The following SEC16A variants were observed in gnomAD, a reference collection of about 807,000 sequenced individuals.
SEC16A encodes protein transport protein Sec16A.
SEC16A carries 110 observed loss-of-function variants against 221.9 expected under a neutral mutation model. The observed-to-expected ratio is 0.50, with a 90% CI of 0.42 to 0.58. The LOEUF is 0.58. Ranked by LOEUF, SEC16A falls within the 20% of genes least tolerant of loss-of-function variation. The pLI is 0.00. For missense variants in SEC16A, 3,165 were observed against 3,097.8 expected (o/e 1.02, Z -0.52); for synonymous variants, 1,393 against 1,257.7 (o/e 1.11, Z -2.28).
intron 29 of SEC16A, 46 bp from the exon 30 acceptor site, chr9:136,445,157 A>G (rs1836791882): frequency 1.5e-5 from 22 of 1,512,168 alleles, no homozygotes; most frequent in Non-Finnish European, 1.9e-5. Flanking sequence ...GAAAGTCAAC[A>G]TGCACGTCAC....
chr9:136,447,670 G>A lies in SEC16A; in HGVS notation c.6458C>T (p.Pro2153Leu), dbSNP rs373660630. 1.1e-5 allele frequency: 17 copies of A among 1,607,602 alleles called. No homozygotes were observed. Among genetic ancestry groups the A allele is most frequent in the East Asian group, 4.5e-5 (2 of 44,734 alleles). ...GGGCATCGAGGTTGGAGGTGGGGGC[G>A]GGGCTTTCTTCTGCAGAGGGAAACA... ...LNEPEEEKKA[P>L]PPPPTSMPKT... Residue 2153 changes from proline to leucine, a missense_variant, in exon 26 of 32, where the codon CCG becomes CTG. By Grantham distance (98) the Pro-to-Leu change is moderately conservative (BLOSUM62 -3). Around this residue, in one of 3 missense-constraint regions of SEC16A, gnomAD observed 1,088 missense variants for 1,089.6 expected, o/e 1.00. Transcript: ENST00000684901. This position sits in a 1 kb window ranked among gnomAD's most constrained non-coding sequence, Gnocchi z 5.5.
rs1383158668 is a variant in SEC16A, at chr9:136,475,521, T to C, written c.2095A>G (p.Thr699Ala). 6.2e-7 allele frequency: 1 copy of C among 1,612,690 alleles called. No individual in the cohort carries two copies. Among genetic ancestry groups the C allele is most frequent in the Non-Finnish European group, 8.5e-7 (1 of 1,179,242 alleles). Residue 699 changes from threonine (T) to alanine (A), a missense_variant, in exon 3 of 32, where the codon ACT (threonine) becomes GCT (alanine). Thr to Ala is a moderately conservative substitution (Grantham distance 58). Coordinates refer to ENST00000684901, the MANE Select transcript of SEC16A (RefSeq NM_014866.2). The surrounding 1 kb of genome is among the most constrained non-coding windows in gnomAD (Gnocchi z 5.0). ...LPHAGAPPLD[T>A]VYPAPEKRPS... is the part of the protein sequence containing the mutation. ...CTCTTCTCGGGTGCTGGATACACAG[T>C]ATCCAAGGGCGGTGCCCCTGCGTGC...
In SEC16A at chr9:136,474,322, CTG is replaced by C; in HGVS notation, c.3292_3293del (p.Gln1098ValfsTer23). The C allele has an allele frequency of 5.0e-6, 8 of 1,611,992 alleles. No homozygotes were observed. The highest frequency in any genetic ancestry group is 6.8e-6 in the Non-Finnish European group (8 of 1,179,396). On this transcript the variant is annotated frameshift_variant, in exon 3 of 32. Coordinates refer to ENST00000684901, the MANE Select transcript of SEC16A (RefSeq NM_014866.2). LOFTEE classifies it high-confidence loss of function. ...CGACCAGAACCAGACTTGCTGGTGA[CTG>C]TGCTGAGTTCTGGGCCTGTCCCTGT... ...PAQGQAQNSA[Q>X]SPASLVLVDA...
rs1309087290 is a variant in SEC16A, at chr9:136,453,073, AAAAAAAAAAAG to A, written c.6159+344_6159+354del. Among the ~76,000 whole-genome samples, 283 of 129,284 alleles carry A rather than the reference AAAAAAAAAAAG, an allele frequency of 2.2e-3. 1 individual carries two copies. Among genetic ancestry groups the A allele is most frequent in the African/African-American group, 6.3e-3 (244 of 38,704 alleles). The allele number at this position is 129,284 out of a possible 152,430, so 84.8% of individuals were successfully genotyped here. ...CGACAGAGCAAGAATCTGTCTCAAA[AAAAAAAAAAAG>A]AAAAAAAAAAGAAAAAGAGATGTAG... On this transcript the variant is annotated intron_variant, in intron 22 of 31. Transcript: ENST00000684901.
rs767180360 is a variant in SEC16A at position 136,474,033 on chromosome 9, A to G, written c.3567+16T>C. On this transcript the variant is annotated intron_variant, in intron 3 of 31. Transcript: ENST00000684901. ...ACAGACAGAAAAGTGGGTTACACAT[A>G]CGACTCGACTCTTACCTGGTAATAG... 4 of 1,580,638 alleles carry G rather than the reference A, an allele frequency of 2.5e-6. No individual in the cohort carries two copies. The highest frequency in any genetic ancestry group is 1.7e-5 in the Admixed American group (1 of 57,316).
intron 19 of SEC16A, 74 bp from the exon 20 acceptor site, chr9:136,455,867 G>T: frequency 7.0e-7 from 1 of 1,429,604 alleles, no homozygotes; most frequent in Non-Finnish European, 9.5e-7. Context: ...TGCCACCACC[G>T]CGCTTGCTGT....
At chr9:136,468,687 C>T (rs1840468993) in intron 4 of SEC16A, among the ~76,000 whole-genome samples, 175 bp from the exon 5 acceptor site, 1 of 152,252 alleles carries the variant, frequency 6.6e-6, no homozygotes, top group African/African-American at 2.4e-5. Context: ...GAATTTCCCA[C>T]CATACGGCTA....
At chr9:136,477,954 T>C (rs1022997688) in intron 2 of SEC16A, among the ~76,000 whole-genome samples, 2 of 152,090 alleles carry the variant, frequency 1.3e-5, no homozygotes, top group Non-Finnish European at 2.9e-5. Context: ...CCTGGGATCC[T>C]CTACTCACAG....
intron 31 of SEC16A, among the ~76,000 whole-genome samples, chr9:136,442,286 T>C (rs966923981): frequency 1.3e-5 from 2 of 152,190 alleles, no homozygotes; most frequent in East Asian, 1.9e-4. Context: ...ACTAACCACA[T>C]GGTAAAGGGA....
rs1454907497 is a variant in SEC16A at position 136,448,121 on chromosome 9, T to C, written c.6353A>G (p.Lys2118Arg). The C allele has an allele frequency of 6.2e-7, 1 of 1,613,624 alleles. No homozygotes were observed. Among genetic ancestry groups the C allele is most frequent in the East Asian group, 2.2e-5 (1 of 44,886 alleles). ...WFFRWLPGKK[K>R]TEAYLPDDKN... The stretch of plus-strand genomic sequence containing the variant: ...GTCATCTGGCAAATAAGCTTCTGTC[T>C]TTTTCTTTCCAGGTAGCCAACGAAA... The change falls in exon 24 of 32, where the codon AAG becomes AGG. Residue 2118 changes from lysine (K) to arginine (R), a missense_variant. By Grantham distance (26) the Lys-to-Arg change is conservative. This residue lies in a region of SEC16A where 1,088 missense variants were observed against 1,089.6 expected (regional missense o/e 1.00). Transcript: ENST00000684901.
chr9:136,442,514 C>G (rs1314659796), intron 31 of SEC16A, among the ~76,000 whole-genome samples: 1 of 152,230 alleles, frequency 6.6e-6, no homozygotes, highest in Non-Finnish European at 1.5e-5. Flanking sequence ...GGCCCCAGAC[C>G]TTGGACCCCG....
In SEC16A at chr9:136,475,488, C is replaced by G; in HGVS notation, c.2128G>C (p.Ala710Pro). The G allele has an allele frequency of 6.2e-7, 1 of 1,607,848 alleles. No homozygotes were observed. Among genetic ancestry groups the G allele is most frequent in the African/African-American group, 1.3e-5 (1 of 74,880 alleles). The stretch of plus-strand genomic sequence containing the variant: ...CACTTCACGGGCCCCTGGGTCCTGG[C>G]TGAAGGCCTCTTCTCGGGTGCTGGA... The part of the protein sequence containing the change: ...VYPAPEKRPS[A>P]RTQGPVKCES... The change falls in exon 3 of 32, where the codon GCC (alanine) becomes CCC (proline). Residue 710 changes from alanine (A) to proline (P), a missense_variant. By Grantham distance (27) the Ala-to-Pro change is conservative. Coordinates refer to ENST00000684901, the MANE Select transcript of SEC16A (RefSeq NM_014866.2). The surrounding 1 kb of genome is among the most constrained non-coding windows in gnomAD (Gnocchi z 5.0).
chr9:136,470,620 C>T (rs994186223), intron 4 of SEC16A, among the ~76,000 whole-genome samples: 1 of 152,196 alleles, frequency 6.6e-6, no homozygotes, highest in Non-Finnish European at 1.5e-5. Flanking sequence ...CTCACAGTGC[C>T]GCCTGCTTCA....
At chr9:136,482,295 G>A (rs1329438889) in intron 1 of SEC16A, among the ~76,000 whole-genome samples, 1 of 152,210 alleles carries the variant, frequency 6.6e-6, no homozygotes, top group African/African-American at 2.4e-5. Context: ...GTTAACATCG[G>A]CATCACACAT....
chr9:136,476,930 C>G lies in SEC16A; in HGVS notation c.686G>C (p.Arg229Pro), dbSNP rs751016125. The G allele has an allele frequency of 3.7e-6, 6 of 1,611,962 alleles. No homozygotes were observed. The highest frequency in any genetic ancestry group is 1.3e-5 in the African/African-American group (1 of 74,906). Reference sequence around the variant, plus strand: ...AACAGGTCCTTCAGGGCAGGGTGAACGATGTTGCCCCGAGGGCTGTGGGCC... The same window carrying G: ...AACAGGTCCTTCAGGGCAGGGTGAAGGATGTTGCCCCGAGGGCTGTGGGCC... ...QGGPQPSGQH[R>P]SPCPEGPVPS... The change falls in exon 3 of 32, where the codon CGT becomes CCT. Residue 229 changes from arginine (R) to proline (P), a missense_variant. Arg to Pro is a moderately radical substitution (Grantham distance 103, BLOSUM62 -2). Transcript: ENST00000684901.
intron 1 of SEC16A, among the ~76,000 whole-genome samples, chr9:136,480,655 G>A (rs1406297641): frequency 6.6e-6 from 1 of 152,194 alleles, no homozygotes; most frequent in African/African-American, 2.4e-5. Flanking sequence ...ACTTTGGGAG[G>A]CCGAGGCGGG....
At chr9:136,445,170 T>C in intron 29 of SEC16A, 59 bp from the exon 30 acceptor site, 1 of 1,424,172 alleles carries the variant, frequency 7.0e-7, no homozygotes, top group East Asian at 2.4e-5. Flanking sequence ...CACGTCACTG[T>C]CCAATCCAAG....
Position 136,466,383 on chromosome 9 carries a change from C to G in SEC16A, c.4009G>C (p.Asp1337His). ...SFDDDPDPHRDPYGEEVDRRS... is the reference protein window; with the variant it reads ...SFDDDPDPHRHPYGEEVDRRS... ...CGGTCCACCTCTTCCCCATAAGGGT[C>G]TCTGTGCGGATCGGGGTCATCGTCA... Residue 1337 changes from aspartate to histidine, a missense_variant, in exon 7 of 32, where the codon GAC (aspartate) becomes CAC (histidine). By Grantham distance (81) the Asp-to-His change is moderately conservative (BLOSUM62 -1). This residue lies in a region of SEC16A where 2,030 missense variants were observed against 1,923.1 expected (regional missense o/e 1.06). Transcript: ENST00000684901. This position sits in a 1 kb window ranked among gnomAD's most constrained non-coding sequence, Gnocchi z 5.5. 6.2e-7 allele frequency: 1 copy of G among 1,601,768 alleles called. No homozygotes were observed. The highest frequency in any genetic ancestry group is 8.5e-7 in the Non-Finnish European group (1 of 1,174,316).
In SEC16A at chr9:136,468,449, A is replaced by G. The variant is rs761504954; in HGVS notation, c.3768T>C (p.Tyr1256=). The G allele has an allele frequency of 4.3e-6, 7 of 1,613,384 alleles. No homozygotes were observed. The highest frequency in any genetic ancestry group is 2.7e-5 in the African/African-American group (2 of 74,936). Residue 1256 remains tyrosine, a synonymous_variant, in exon 5 of 32, where the codon TAT becomes TAC. Transcript: ENST00000684901. Reference sequence around the variant, plus strand: ...CGTACTGGCTGGAGTAATAGCTTGCATAGTAATCGCTCTGACTGCTCCATC... The same window carrying G: ...CGTACTGGCTGGAGTAATAGCTTGCGTAGTAATCGCTCTGACTGCTCCATC... ...KSGWSSQSDY[Y]ASYYSSQYDY... is the part of the protein sequence containing the mutation.
Sources: gnomAD v4.1 joint callset for allele counts (sites outside exome capture counted in the v4.1 genomes callset) on GRCh38, gnomAD v4.1.1 for gene constraint, gnomAD v4.1.1 regional missense constraint, Gnocchi (gnomAD v3.1) non-coding constraint, MANE v1.5 for transcripts, NCBI Gene and HGNC (gene_info 2026-07-23, HGNC 2026-07-21) for gene names.